The following GFPT2 variants were observed in gnomAD, a reference collection of about 807,000 sequenced individuals.
The protein encoded by GFPT2 is glutamine--fructose-6-phosphate aminotransferase [isomerizing] 2.
GFPT2 carries 62 observed loss-of-function variants against 85.6 expected under a neutral mutation model. The ratio of observed to expected loss-of-function variants is 0.72; its 90% CI spans 0.59 to 0.90. The LOEUF (loss-of-function observed/expected upper bound fraction) is 0.90, where lower values mean the gene tolerates loss of function less well. Among genes scored for constraint, GFPT2 ranks in the 40% least tolerant of loss-of-function variants. The pLI, the probability that GFPT2 is intolerant of heterozygous loss-of-function variation, is 0.00. For synonymous variants in GFPT2, 368 were observed against 344.5 expected (o/e 1.07, Z -0.75); for missense variants, 788 against 893.4 (o/e 0.88, Z 1.50).
chr5:180,335,705 G>T, intron 4 of GFPT2, 123 bp downstream of exon 4: 2 of 1,034,714 alleles, frequency 1.9e-6, no homozygotes, highest in Non-Finnish European at 2.8e-6. Flanking sequence ...GCATTCTCTT[G>T]GGAAGATGAA....
chr5:180,303,881 G>A (rs982023555), intron 17 of GFPT2, among the ~76,000 whole-genome samples: 4 of 152,182 alleles, frequency 2.6e-5, no homozygotes, highest in African/African-American at 7.2e-5. Flanking sequence ...TGGGCCTGTA[G>A]ATAGTTCCAG....
intron 2 of GFPT2, among the ~76,000 whole-genome samples, chr5:180,337,335 C>T (rs1037144754): frequency 3.3e-5 from 5 of 151,780 alleles, no homozygotes; most frequent in African/African-American, 7.3e-5. Flanking sequence ...CGCCTGTAGT[C>T]CCAGCTACTC....
intron 5 of GFPT2, 145 bp downstream of exon 5, chr5:180,331,350 G>A (rs1581382858): frequency 3.2e-6 from 2 of 629,798 alleles, no homozygotes; most frequent in East Asian, 5.4e-5. Context: ...CCAAGGCAGA[G>A]GTTTCTTCTC....
intron 9 of GFPT2, among the ~76,000 whole-genome samples, chr5:180,320,904 C>A (rs1470958557): frequency 6.6e-6 from 1 of 152,094 alleles, no homozygotes; most frequent in Non-Finnish European, 1.5e-5. Context: ...CCAGCCAGAT[C>A]CTAGGGAAGA....
chr5:180,324,930 C>T, intron 7 of GFPT2, 35 bp from the exon 8 acceptor site: 2 of 1,307,648 alleles, frequency 1.5e-6, no homozygotes, highest in Non-Finnish European at 2.2e-6. Context: ...TTACCCATTG[C>T]CTTTGACGCC....
intron 13 of GFPT2, 21 bp downstream of exon 13, chr5:180,316,320 C>T (rs1229441321): frequency 2.2e-5 from 36 of 1,613,664 alleles, no homozygotes; most frequent in Non-Finnish European, 3.1e-5. Flanking sequence ...CAAGGCTGGC[C>T]ACAATGCCTG....
At chr5:180,322,439 C>T (rs1764137865) in intron 9 of GFPT2, among the ~76,000 whole-genome samples, 1 of 152,160 alleles carries the variant, frequency 6.6e-6, no homozygotes, top group Non-Finnish European at 1.5e-5. Context: ...AAAATTTACT[C>T]TAAAGCATTT....
chr5:180,345,416 C>A (rs1268695373), intron 1 of GFPT2, among the ~76,000 whole-genome samples: 1 of 152,274 alleles, frequency 6.6e-6, no homozygotes, highest in Non-Finnish European at 1.5e-5. Context: ...TGCACAGGGA[C>A]CTCCCAAGCC....
intron 1 of GFPT2, among the ~76,000 whole-genome samples, chr5:180,343,987 C>T (rs1027332347): frequency 6.6e-6 from 1 of 152,192 alleles, no homozygotes; most frequent in South Asian, 2.1e-4. Context: ...TGCACACGTG[C>T]GAGGACAGCT....
rs375030214 is a variant in GFPT2 at position 180,330,721 on chromosome 5, G to A, written c.513C>T (p.Val171=). The change falls in exon 6 of 19, where the codon GTC becomes GTT. Residue 171 remains valine, a synonymous_variant. Coordinates refer to ENST00000253778, the MANE Select transcript of GFPT2 (RefSeq NM_005110.4). This position sits in a 1 kb window ranked among gnomAD's most constrained non-coding sequence, Gnocchi z 4.4. The stretch of plus-strand genomic sequence containing the variant: ...TCACCAACTGCTGAATGACTCTCTC[G>A]ACCAACGTTGAAAACGTAATGTCCT... ...ETEDITFSTL[V]ERVIQQLEGA... is the part of the protein sequence containing the mutation. 9.9e-6 allele frequency: 16 copies of A among 1,612,624 alleles called. No individual in the cohort carries two copies. The highest frequency in any genetic ancestry group is 3.3e-5 in the South Asian group (3 of 91,022).
At chr5:180,333,917 T>C (rs1224455146) in intron 4 of GFPT2, among the ~76,000 whole-genome samples, 1 of 152,174 alleles carries the variant, frequency 6.6e-6, no homozygotes, top group Non-Finnish European at 1.5e-5. Context: ...GTTCATTTTA[T>C]CACTGGGAAG....
rs1581381062 is a variant in GFPT2, at chr5:180,328,301, T to G, written c.572A>C (p.Tyr191Ser). The change falls in exon 7 of 19, where the codon TAC becomes TCC. Residue 191 changes from tyrosine to serine, a missense_variant. Coordinates refer to ENST00000253778, the MANE Select transcript of GFPT2 (RefSeq NM_005110.4). This position sits in a 1 kb window ranked among gnomAD's most constrained non-coding sequence, Gnocchi z 5.4. The part of the protein sequence containing the change: ...AFALVFKSVH[Y>S]PGEAVATRRG... Reference sequence around the variant, plus strand: ...CCGTGTGGCAACGGCTTCTCCTGGGTAGTGGACACTCTTGAAAACCAGCGC... The same window carrying G: ...CCGTGTGGCAACGGCTTCTCCTGGGGAGTGGACACTCTTGAAAACCAGCGC... 1.2e-6 allele frequency: 2 copies of G among 1,613,008 alleles called. No individual in the cohort carries two copies.
At chr5:180,322,597 G>T (rs923571160) in intron 9 of GFPT2, among the ~76,000 whole-genome samples, 1 of 152,224 alleles carries the variant, frequency 6.6e-6, no homozygotes, top group Admixed American at 6.5e-5. Flanking sequence ...CTAAGGCCAG[G>T]ATATAGGATT....
chr5:180,312,008 G>GACCAGGGA (rs142021026), intron 15 of GFPT2, among the ~76,000 whole-genome samples: 3,733 of 54,932 alleles, frequency 0.068, 269 homozygotes, highest in African/African-American at 0.11. Flanking sequence ...GGAGGCTGAG[G>GACCAGGGA]GGCAGGGAGG....
chr5:180,302,878 C>A (rs143499669), intron 17 of GFPT2, among the ~76,000 whole-genome samples: 1 of 152,118 alleles, frequency 6.6e-6, no homozygotes, highest in African/African-American at 2.4e-5. Context: ...CTAACTCTAG[C>A]GGGGCTCATA....
intron 4 of GFPT2, among the ~76,000 whole-genome samples, chr5:180,334,433 A>G (rs1764361314): frequency 6.6e-6 from 1 of 152,132 alleles, no homozygotes; most frequent in Non-Finnish European, 1.5e-5. Flanking sequence ...TCGGAGAACC[A>G]CTGATCAGCA....
intron 1 of GFPT2, among the ~76,000 whole-genome samples, chr5:180,351,732 C>G (rs1764715485): frequency 6.6e-6 from 1 of 152,156 alleles, no homozygotes; most frequent in Non-Finnish European, 1.5e-5. Flanking sequence ...GTAGAGCCCC[C>G]CCAAAGCTCA....
At chr5:180,310,831 G>T (rs1285303688) in intron 15 of GFPT2, among the ~76,000 whole-genome samples, 52 of 15,078 alleles carry the variant, frequency 3.4e-3, no homozygotes, top group South Asian at 0.023. Flanking sequence ...GTGGACACAG[G>T]CAAAAAAAAA....
In GFPT2 at chr5:180,301,455, C is replaced by T. The variant is rs1442491402; in HGVS notation, c.*109G>A. 4 of 944,188 alleles carry T rather than the reference C, an allele frequency of 4.2e-6. No homozygotes were observed. The East Asian group carries it at 9.6e-5, about 23-fold the overall frequency. The allele number at this position is 944,188 out of a possible 1,614,324, so 58.5% of individuals were successfully genotyped here. A position where few individuals can be genotyped will look rare whatever the true frequency, so the allele number is the denominator to read the frequency against. On this transcript the variant is annotated 3_prime_UTR_variant, in exon 19 of 19. Transcript: ENST00000253778. ...TGGAAGCTGTCAAGCTCTACAGGAG[C>T]ACGCAGAACATGTGGGATGTCCACT...
Sources: gnomAD v4.1 joint callset for allele counts (sites outside exome capture counted in the v4.1 genomes callset) on GRCh38, gnomAD v4.1.1 for gene constraint, Gnocchi (gnomAD v3.1) non-coding constraint, MANE v1.5 for transcripts, NCBI Gene and HGNC (gene_info 2026-07-23, HGNC 2026-07-21) for gene names.